The following ARAP2 variants were observed in gnomAD, a reference collection of about 807,000 sequenced individuals.
The protein encoded by ARAP2 is ArfGAP with RhoGAP domain, ankyrin repeat and PH domain 2.
In ARAP2, 148 loss-of-function variants were observed where a neutral mutation model predicts 194.5. That is an observed-to-expected ratio of 0.76 (90% CI 0.67 to 0.87). The LOEUF (loss-of-function observed/expected upper bound fraction) is 0.87. ARAP2 is among the 40% of genes least tolerant of loss of function. ARAP2 has a pLI of 0.00. For synonymous variants in ARAP2, 695 were observed against 683.5 expected (o/e 1.02, Z -0.26); for missense variants, 2,128 against 1,989.7 (o/e 1.07, Z -1.32).
At chr4:36,222,846 C>T (rs1022528472) in intron 2 of ARAP2, among the ~76,000 whole-genome samples, 1 of 151,792 alleles carries the variant, frequency 6.6e-6, no homozygotes, top group African/African-American at 2.4e-5. Context: ...GGCTTTCAAA[C>T]CATTTTTTAA....
chr4:36,192,018 A>G lies in ARAP2; in HGVS notation c.1557+1560T>C, dbSNP rs143373432. Among the ~76,000 whole-genome samples the G allele has an allele frequency of 2.2e-3, 335 of 152,280 alleles. 3 individuals carry two copies. The highest frequency in any genetic ancestry group is 7.5e-3 in the African/African-American group (313 of 41,554). ...CTCCTCAAGTGCACATTTAAACATTAAAAGACCCAACTGTTCAGTTCTCAT... is the reference window on the plus strand; with the variant it reads ...CTCCTCAAGTGCACATTTAAACATTGAAAGACCCAACTGTTCAGTTCTCAT... On this transcript the variant is annotated intron_variant, in intron 7 of 32. Transcript: ENST00000303965.
intron 19 of ARAP2, among the ~76,000 whole-genome samples, chr4:36,145,079 G>A (rs1729324650): frequency 6.6e-6 from 1 of 151,524 alleles, no homozygotes; most frequent in Non-Finnish European, 1.5e-5. Context: ...AGAAGCCAAG[G>A]GGAAAAAAAC....
chr4:36,216,294 T>C (rs780907718), intron 2 of ARAP2, among the ~76,000 whole-genome samples: 2 of 152,032 alleles, frequency 1.3e-5, no homozygotes, highest in Non-Finnish European at 2.9e-5. Flanking sequence ...AAAATGCAAA[T>C]AGTTGTATCA....
intron 6 of ARAP2, among the ~76,000 whole-genome samples, chr4:36,195,359 A>C (rs1184724001): frequency 2.0e-5 from 3 of 152,184 alleles, no homozygotes; most frequent in African/African-American, 7.2e-5. Flanking sequence ...GGTTCCTTAA[A>C]TTCTCAGCAT....
chr4:36,223,941 T>A (rs909232116), intron 2 of ARAP2, among the ~76,000 whole-genome samples: 4 of 152,058 alleles, frequency 2.6e-5, no homozygotes, highest in African/African-American at 9.7e-5. Flanking sequence ...AAGACAACTA[T>A]CATTGGTATC....
At chr4:36,202,495 G>GA (rs796278892) in intron 6 of ARAP2, among the ~76,000 whole-genome samples, 2,383 of 138,758 alleles carry the variant, frequency 0.017, 51 homozygotes, top group African/African-American at 0.051. Context: ...AAAATGAGAA[G>GA]AAAAAAAAAA....
chr4:36,127,871 CA>C (rs1286577413), intron 21 of ARAP2, among the ~76,000 whole-genome samples: 1 of 151,804 alleles, frequency 6.6e-6, no homozygotes, highest in East Asian at 1.9e-4. Context: ...GAATGAAAGG[CA>C]ATGCTTATAT....
At chr4:36,132,729 A>G (rs1725724489) in intron 20 of ARAP2, among the ~76,000 whole-genome samples, 1 of 151,800 alleles carries the variant, frequency 6.6e-6, no homozygotes, top group African/African-American at 2.4e-5. Context: ...ATGAGCACAA[A>G]TTGTGAAAAT....
chr4:36,166,287 T>C (rs532732691), intron 10 of ARAP2, among the ~76,000 whole-genome samples: 1 of 152,238 alleles, frequency 6.6e-6, no homozygotes, highest in African/African-American at 2.4e-5. Flanking sequence ...ACAGTTGAAC[T>C]CAAAAGATGT....
At chr4:36,236,192 A>AT (rs1752419608) in intron 1 of ARAP2, among the ~76,000 whole-genome samples, 1 of 151,862 alleles carries the variant, frequency 6.6e-6, no homozygotes, top group African/African-American at 2.4e-5. Context: ...AAAAAAAAAA[A>AT]AAAAATTAAT....
chr4:36,083,617 T>A (rs1325885430), intron 28 of ARAP2, among the ~76,000 whole-genome samples, 167 bp from the exon 29 acceptor site: 1 of 152,148 alleles, frequency 6.6e-6, no homozygotes, highest in East Asian at 1.9e-4. Context: ...CAATGAAGAC[T>A]CTTAGGATTT....
intron 27 of ARAP2, among the ~76,000 whole-genome samples, chr4:36,103,304 A>C (rs941038980): frequency 6.6e-6 from 1 of 151,708 alleles, no homozygotes; most frequent in Non-Finnish European, 1.5e-5. Context: ...TTAAAATTTC[A>C]TTCTCATGTA....
At chr4:36,050,479 A>G (rs1342190409) in intron 3 of ARAP2, among the ~76,000 whole-genome samples, 2 of 152,210 alleles carry the variant, frequency 1.3e-5, no homozygotes, top group Non-Finnish European at 2.9e-5. Flanking sequence ...GAATAAGAAC[A>G]GAAGGATTTT....
At chr4:36,138,549 T>C (rs1394931975) in intron 19 of ARAP2, among the ~76,000 whole-genome samples, 2 of 151,720 alleles carry the variant, frequency 1.3e-5, no homozygotes, top group African/African-American at 2.4e-5. Flanking sequence ...TATAGGTCCC[T>C]TTATAATGAT....
intron 20 of ARAP2, 66 bp from the exon 21 acceptor site, chr4:36,128,811 A>T: frequency 2.4e-6 from 3 of 1,268,310 alleles, no homozygotes; most frequent in Non-Finnish European, 3.3e-6. Context: ...GATATTTTAA[A>T]AACAAAACAA....
chr4:36,037,460 T>G (rs1330322309), intron 5 of ARAP2, among the ~76,000 whole-genome samples: 1 of 152,164 alleles, frequency 6.6e-6, no homozygotes, highest in Non-Finnish European at 1.5e-5. Flanking sequence ...AAAGTCTGTC[T>G]TTCAAAATAA....
At chr4:36,240,262 ATAT>A (rs1447979651) in intron 1 of ARAP2, among the ~76,000 whole-genome samples, 1 of 151,956 alleles carries the variant, frequency 6.6e-6, no homozygotes, top group Non-Finnish European at 1.5e-5. Context: ...TCATACCACT[ATAT>A]TGCACTTGGT....
chr4:36,101,783 G>C (rs147332624), intron 27 of ARAP2, among the ~76,000 whole-genome samples: 1 of 151,950 alleles, frequency 6.6e-6, no homozygotes, highest in African/African-American at 2.4e-5. Flanking sequence ...TATGAATTCA[G>C]GTCTCTTAAT....
chr4:36,155,548 G>A (rs969741688), intron 15 of ARAP2, among the ~76,000 whole-genome samples: 2 of 152,112 alleles, frequency 1.3e-5, no homozygotes, highest in Admixed American at 1.3e-4. Context: ...GTGCAGCCAG[G>A]CAAGTAACCA....
Sources: allele counts gnomAD v4.1 joint callset (sites outside exome capture counted in the v4.1 genomes callset), GRCh38; gene constraint gnomAD v4.1.1; transcripts MANE v1.5; gene names NCBI Gene and HGNC (gene_info 2026-07-23, HGNC 2026-07-21).